The following MGST1 variants were observed in gnomAD, a reference collection of about 807,000 sequenced individuals.
MGST1 encodes microsomal glutathione S-transferase 1.
MGST1 carries 5 observed loss-of-function variants against 8.9 expected under a neutral mutation model. The observed-to-expected ratio is 0.56, with a 90% confidence interval of 0.29 to 1.19. The LOEUF (loss-of-function observed/expected upper bound fraction) is 1.19, where lower values mean the gene tolerates loss of function less well. Among genes scored for constraint, MGST1 ranks in the 50% most tolerant of loss-of-function variants. The probability of loss-of-function intolerance (pLI) is 0.08; values close to 1 mark genes in which losing one functional copy is unlikely to be tolerated. For synonymous variants in MGST1, 54 were observed against 67.8 expected, an observed-to-expected ratio of 0.80 and a Z score of 1.00; for missense variants, 182 against 187.4, an observed-to-expected ratio of 0.97 and a Z score of 0.17.
chr12:16,399,873 T>C (rs1404836206), intron 1 of MGST1: 3 of 1,243,136 alleles, frequency 2.4e-6, no homozygotes, highest in Middle Eastern at 1.9e-4. Flanking sequence ...TCAAAGTTCT[T>C]CAGGTGAAAC....
At chr12:16,475,960 GAA>G (rs796973337) in intron 4 of MGST1, among the ~76,000 whole-genome samples, 1 of 140,510 alleles carries the variant, frequency 7.1e-6, no homozygotes, top group Admixed American at 7.1e-5. Flanking sequence ...CGTCTGAAAA[GAA>G]AAAAAAAAAA....
At chr12:16,514,755 A>G (rs1438981824) in intron 4 of MGST1, among the ~76,000 whole-genome samples, 1 of 152,210 alleles carries the variant, frequency 6.6e-6, no homozygotes, top group African/African-American at 2.4e-5. Context: ...GAGAGGGTGG[A>G]TGGTAGTAAG....
chr12:16,384,135 G>A (rs1169758862), intron 1 of MGST1, among the ~76,000 whole-genome samples: 2 of 152,072 alleles, frequency 1.3e-5, no homozygotes, highest in Non-Finnish European at 2.9e-5. Flanking sequence ...GATACTGCTG[G>A]GGTCCCCTGA....
intron 4 of MGST1, among the ~76,000 whole-genome samples, chr12:16,501,432 A>G (rs1591746223): frequency 1.3e-5 from 2 of 152,358 alleles, no homozygotes; most frequent in East Asian, 3.9e-4. Context: ...CACTTAATGT[A>G]GAAAAATAAT....
downstream of MGST1, among the ~76,000 whole-genome samples, chr12:16,366,903 T>G (rs537356973): frequency 7.4e-4 from 113 of 152,146 alleles, no homozygotes; most frequent in Non-Finnish European, 1.4e-3. This position sits in a 1 kb window ranked among gnomAD's most constrained non-coding sequence, Gnocchi z 4.0. Flanking sequence ...GGGGGCAGGG[T>G]TCAGTGACTC....
intron 1 of MGST1, among the ~76,000 whole-genome samples, chr12:16,353,046 G>A (rs768497418): frequency 2.7e-5 from 4 of 150,126 alleles, no homozygotes; most frequent in African/African-American, 7.4e-5. Flanking sequence ...TTTTTTTTTG[G>A]AGGGGGAGAC....
intron 4 of MGST1, among the ~76,000 whole-genome samples, chr12:16,480,819 C>T (rs1859218069): frequency 6.6e-6 from 1 of 152,006 alleles, no homozygotes; most frequent in Admixed American, 6.5e-5. Context: ...ACCTGTAATC[C>T]CAGTGCTTTG....
intron 4 of MGST1, among the ~76,000 whole-genome samples, chr12:16,554,925 G>C (rs538829521): frequency 6.6e-6 from 1 of 152,148 alleles, no homozygotes; most frequent in African/African-American, 2.4e-5. Flanking sequence ...GCCTCCCAAA[G>C]TGCTGGGATT....
chr12:16,426,842 G>A (rs966033403), intron 1 of MGST1, among the ~76,000 whole-genome samples: 2 of 151,678 alleles, frequency 1.3e-5, no homozygotes, highest in Non-Finnish European at 1.5e-5. Flanking sequence ...CGTGATGGCC[G>A]GCTCCTGTAG....
At chr12:16,424,349 A>G (rs1252742436) in intron 1 of MGST1, among the ~76,000 whole-genome samples, 1 of 152,218 alleles carries the variant, frequency 6.6e-6, no homozygotes, top group Admixed American at 6.5e-5. Flanking sequence ...ATTCAAAAAT[A>G]TATTGGAATA....
intron 4 of MGST1, among the ~76,000 whole-genome samples, chr12:16,455,933 A>C (rs1189432931): frequency 1.3e-5 from 2 of 151,844 alleles, no homozygotes; most frequent in African/African-American, 4.8e-5. Flanking sequence ...GTATGTGTGT[A>C]CGTGTGTGTA....
intron 1 of MGST1, among the ~76,000 whole-genome samples, chr12:16,415,661 AAT>A (rs1359879258): frequency 1.3e-5 from 2 of 152,214 alleles, no homozygotes; most frequent in Admixed American, 6.5e-5. Flanking sequence ...TAACACAAAA[AAT>A]ATGTGTTAAT....
chr12:16,567,174 C>T (rs1364623967), intron 4 of MGST1, among the ~76,000 whole-genome samples: 8 of 151,432 alleles, frequency 5.3e-5, no homozygotes, highest in African/African-American at 1.7e-4. Context: ...CCAGCCTGGG[C>T]AATAAGAGTG....
chr12:16,502,836 A>G (rs185024914), intron 4 of MGST1, among the ~76,000 whole-genome samples: 39 of 152,342 alleles, frequency 2.6e-4, no homozygotes, highest in African/African-American at 9.1e-4. Flanking sequence ...GGCAAAAATC[A>G]TGTGACTATG....
intron 1 of MGST1, among the ~76,000 whole-genome samples, chr12:16,408,339 T>G (rs2137070394): frequency 6.6e-6 from 1 of 152,318 alleles, no homozygotes; most frequent in South Asian, 2.1e-4. Context: ...AGTTTACTTA[T>G]GTAACAAATC....
intron 4 of MGST1, among the ~76,000 whole-genome samples, chr12:16,491,706 A>C (rs1941439159): frequency 6.6e-6 from 1 of 152,206 alleles, no homozygotes; most frequent in Non-Finnish European, 1.5e-5. Flanking sequence ...TGATGTGAAC[A>C]TTTCTTATAG....
chr12:16,579,386 A>C (rs1943091103), intron 4 of MGST1, among the ~76,000 whole-genome samples: 2 of 152,218 alleles, frequency 1.3e-5, no homozygotes, highest in Non-Finnish European at 2.9e-5. Flanking sequence ...GCCTGATGCC[A>C]CTGATGAGAA....
intron 4 of MGST1, among the ~76,000 whole-genome samples, chr12:16,563,923 T>A (rs1942493863): frequency 6.6e-6 from 1 of 152,210 alleles, no homozygotes; most frequent in Non-Finnish European, 1.5e-5. Context: ...TTTGCCAATT[T>A]ATGGGCTAGA....
At chr12:16,577,696 A>G (rs1305684668) in intron 4 of MGST1, among the ~76,000 whole-genome samples, 1 of 152,174 alleles carries the variant, frequency 6.6e-6, no homozygotes, top group Non-Finnish European at 1.5e-5. Flanking sequence ...ACACATCTAG[A>G]GGAGAATTTT....
Sources: allele counts gnomAD v4.1 joint callset (sites outside exome capture counted in the v4.1 genomes callset), GRCh38; gene constraint gnomAD v4.1.1; non-coding constraint Gnocchi (gnomAD v3.1); transcripts MANE v1.5; gene names NCBI Gene and HGNC (gene_info 2026-07-23, HGNC 2026-07-21).